ANK3: variants seen among roughly 807,000 people sequenced by gnomAD.
The protein encoded by ANK3 is ankyrin-3.
A neutral mutation model predicts 370.9 loss-of-function variants in ANK3; 57 were observed. The observed-to-expected ratio is 0.15, with a 90% CI of 0.12 to 0.19. The LOEUF (loss-of-function observed/expected upper bound fraction) is 0.19. ANK3 is among the 10% of genes least tolerant of loss of function. The pLI is 1.00. For synonymous variants in ANK3, 1,929 were observed against 1,946.3 expected (o/e 0.99, Z 0.23); for missense variants, 4,439 against 5,302.1 (o/e 0.84, Z 5.06).
chr10:60,642,351 T>C (rs2078646181), intron 1 of ANK3, among the ~76,000 whole-genome samples: 1 of 151,818 alleles, frequency 6.6e-6, no homozygotes, highest in South Asian at 2.1e-4. Context: ...ATTGCGGCAC[T>C]ATTCACAATA....
intron 2 of ANK3, among the ~76,000 whole-genome samples, chr10:60,427,905 C>T (rs1314507416): frequency 6.6e-6 from 1 of 152,080 alleles, no homozygotes; most frequent in Admixed American, 6.6e-5. Context: ...GAGAAGGACA[C>T]ATTTGAGTAA....
intron 2 of ANK3, among the ~76,000 whole-genome samples, chr10:60,467,119 G>C (rs1459387735): frequency 6.6e-6 from 1 of 152,112 alleles, no homozygotes; most frequent in African/African-American, 2.4e-5. Context: ...AATATGGAGA[G>C]TGAAACTCAG....
At chr10:60,714,608 T>G (rs904492272) in intron 1 of ANK3, among the ~76,000 whole-genome samples, 1 of 152,056 alleles carries the variant, frequency 6.6e-6, no homozygotes, top group African/African-American at 2.4e-5. Context: ...ATTCATCACA[T>G]CAAAAGGCTA....
chr10:60,729,831 A>G (rs181823945), intron 1 of ANK3, among the ~76,000 whole-genome samples: 330 of 152,278 alleles, frequency 2.2e-3, no homozygotes, highest in African/African-American at 4.5e-3. Flanking sequence ...TAATTAATCC[A>G]TATAAGACCT....
chr10:60,095,986 C>T (rs897400415), intron 28 of ANK3, among the ~76,000 whole-genome samples: 2 of 151,896 alleles, frequency 1.3e-5, no homozygotes, highest in Non-Finnish European at 1.5e-5. Context: ...CCAGTGTGGC[C>T]AACATGGTGA....
At chr10:60,686,336 T>G (rs1177320895) in intron 1 of ANK3, among the ~76,000 whole-genome samples, 1 of 152,146 alleles carries the variant, frequency 6.6e-6, no homozygotes, top group African/African-American at 2.4e-5. Context: ...AAAGCCACAG[T>G]GAGATTCATT....
intron 2 of ANK3, among the ~76,000 whole-genome samples, chr10:60,437,722 T>G (rs138500325): frequency 1.1e-3 from 171 of 152,246 alleles, no homozygotes; most frequent in Middle Eastern, 0.01. Flanking sequence ...GGATATAAAT[T>G]TAGTAATCTC....
chr10:60,385,240 C>G (rs574527740), intron 1 of ANK3, among the ~76,000 whole-genome samples: 1 of 152,170 alleles, frequency 6.6e-6, no homozygotes, highest in South Asian at 2.1e-4. Context: ...GTTTCCCACA[C>G]AGCCTAATAG....
At chr10:60,108,203 C>T (rs1178455529) in intron 27 of ANK3, 2 of 447,476 alleles carry the variant, frequency 4.5e-6, no homozygotes, top group Non-Finnish European at 9.0e-6. Flanking sequence ...AAATTTTGTT[C>T]CTTGAGGCCC....
At chr10:60,335,158 A>C (rs1177081029) in intron 1 of ANK3, among the ~76,000 whole-genome samples, 1 of 152,094 alleles carries the variant, frequency 6.6e-6, no homozygotes. Context: ...ACGGTATGGA[A>C]TGCTTCCCGA....
intron 25 of ANK3, among the ~76,000 whole-genome samples, chr10:60,130,752 A>G (rs917359154): frequency 2.0e-4 from 30 of 152,170 alleles, no homozygotes; most frequent in Admixed American, 1.7e-3. Flanking sequence ...TCTTTGAGCA[A>G]TTAGCCTTTT....
At position 60,667,525 on chromosome 10, in the gene ANK3, A is replaced by G. The variant is rs546551495; in HGVS notation, c.58-52301T>C. 2.6e-5 allele frequency among the ~76,000 whole-genome samples: 4 copies of G among 152,016 alleles called. No individual in the cohort carries two copies. The South Asian group carries it at 8.3e-4, about 31-fold the overall frequency. On this transcript the variant is annotated intron_variant, in intron 1 of 43. Transcript: ENST00000373827. The stretch of plus-strand genomic sequence containing the variant: ...AAATTCATAAAAATTAAAACTGTCC[A>G]TCTCTAAAGAGACATCAAAGTCATC...
rs2076193092 is a variant in ANK3, at chr10:60,515,360, G to A, written c.96+99826C>T. On this transcript the variant is annotated intron_variant, in intron 2 of 43. Coordinates refer to the ANK3 transcript ENST00000373827. ...AGCAGGGTCTGGGCTGGCCTAGCAT[G>A]AAATGAAGAACCTCCAGGCAAAAAT... 5.3e-5 allele frequency among the ~76,000 whole-genome samples: 8 copies of A among 152,084 alleles called. 1 individual carries two copies.
In ANK3 at chr10:60,071,385, G is replaced by A; in HGVS notation, c.9496C>T (p.Pro3166Ser). 1.2e-6 allele frequency: 2 copies of A among 1,613,984 alleles called. No individual in the cohort carries two copies. Among genetic ancestry groups the A allele is most frequent in the Non-Finnish European group, 8.5e-7 (1 of 1,179,972 alleles). ...VSFLDSSGKS[P>S]LTPETPSSEE... ...GAACTGGGTGTTTCTGGGGTTAAAG[G>A]GCTTTTCCCAGAGCTGTCTAGAAAG... is the stretch of plus-strand genomic sequence containing the variant. The change falls in exon 37 of 44, where the codon CCT becomes TCT. Residue 3166 changes from proline (P) to serine (S), a missense_variant. Physicochemically the swap from Pro to Ser is moderately conservative, Grantham distance 74 (BLOSUM62 -1). Coordinates refer to ENST00000280772, the MANE Select transcript of ANK3 (RefSeq NM_020987.5).
chr10:60,364,907 G>A (rs2059184488), intron 1 of ANK3, among the ~76,000 whole-genome samples: 2 of 150,360 alleles, frequency 1.3e-5, no homozygotes. Context: ...TTTCCAAAGG[G>A]TAAAGACAAC....
At chr10:60,283,581 A>C (rs746663372) in intron 1 of ANK3, among the ~76,000 whole-genome samples, 6 of 152,184 alleles carry the variant, frequency 3.9e-5, no homozygotes, top group Non-Finnish European at 8.8e-5. Context: ...GAATTTGGAA[A>C]TGAAAGTTTA....
chr10:60,669,942 C>T (rs1589001407), intron 1 of ANK3, among the ~76,000 whole-genome samples: 1 of 152,124 alleles, frequency 6.6e-6, no homozygotes, highest in South Asian at 2.1e-4. Flanking sequence ...CCCACCCCAG[C>T]CTTTCAAGTA....
chr10:60,475,852 C>A (rs1224619415), intron 2 of ANK3, among the ~76,000 whole-genome samples: 1 of 152,154 alleles, frequency 6.6e-6, no homozygotes, highest in Non-Finnish European at 1.5e-5. Flanking sequence ...GGTTCTGAAG[C>A]AGCCAAGATA....
rs923096960 is a variant in ANK3 at position 60,027,011 on chromosome 10, G to C, written c.*2835C>G. 11 of 152,078 alleles carry C rather than the reference G, an allele frequency of 7.2e-5. No individual in the cohort carries two copies. Among genetic ancestry groups the C allele is most frequent in the African/African-American group, 2.7e-4 (11 of 41,400 alleles). The allele number at this position is 152,078 out of a possible 1,614,324, so 9.4% of individuals were successfully genotyped here. The stretch of plus-strand genomic sequence containing the variant: ...TAAATATATGCATATACACACATAT[G>C]CAAGTTAAATCTTGAATGTCATATT... On this transcript the variant is annotated 3_prime_UTR_variant, in exon 44 of 44. Transcript: ENST00000280772.
Sources: gnomAD v4.1 joint callset for allele counts (sites outside exome capture counted in the v4.1 genomes callset) on GRCh38, gnomAD v4.1.1 for gene constraint, MANE v1.5 for transcripts, NCBI Gene and HGNC (gene_info 2026-07-23, HGNC 2026-07-21) for gene names.